The following GALK2 variants were observed in gnomAD, a reference collection of about 807,000 sequenced individuals.
GALK2 encodes N-acetylgalactosamine kinase.
In GALK2, 36 loss-of-function variants were observed where a neutral mutation model predicts 52.4. That is an observed-to-expected ratio of 0.69 (90% CI 0.53 to 0.91). GALK2 has a LOEUF of 0.91. GALK2 is among the 40% of genes least tolerant of loss of function. The probability of loss-of-function intolerance (pLI) is 0.00; values close to 1 mark genes in which losing one functional copy is unlikely to be tolerated. For missense variants in GALK2, 579 were observed against 559.1 expected (o/e 1.04, Z -0.36); for synonymous variants, 176 against 199.1 (o/e 0.88, Z 0.98).
intron 3 of GALK2, among the ~76,000 whole-genome samples, chr15:49,225,717 C>G (rs2090094928): frequency 6.6e-6 from 1 of 152,232 alleles, no homozygotes; most frequent in African/African-American, 2.4e-5. Context: ...TCCTTCCCTG[C>G]TCTAGCACTG....
chr15:49,258,435 G>A (rs2091910384), intron 5 of GALK2, among the ~76,000 whole-genome samples: 1 of 151,988 alleles, frequency 6.6e-6, no homozygotes. Flanking sequence ...AAGGAATGGT[G>A]GATATAAAGA....
intron 8 of GALK2, among the ~76,000 whole-genome samples, chr15:49,294,523 T>C (rs1265491116): frequency 6.6e-6 from 1 of 152,038 alleles, no homozygotes; most frequent in Non-Finnish European, 1.5e-5. Flanking sequence ...AATGAAGAAG[T>C]TGGGTAAGGT....
At chr15:49,226,356 CACAAGGTT>C (rs1315581703) in intron 3 of GALK2, among the ~76,000 whole-genome samples, 26 of 152,318 alleles carry the variant, frequency 1.7e-4, no homozygotes, top group Non-Finnish European at 3.2e-4. Flanking sequence ...AGCAACCCCA[CACAAGGTT>C]CCCAGCTTCT....
At chr15:49,295,687 A>C (rs1395330435) in intron 8 of GALK2, among the ~76,000 whole-genome samples, 1 of 152,202 alleles carries the variant, frequency 6.6e-6, no homozygotes, top group Non-Finnish European at 1.5e-5. Context: ...TGGTTGGACC[A>C]TTCCACTTAC....
downstream of GALK2, chr15:49,335,430 CT>C: frequency 6.2e-7 from 1 of 1,609,906 alleles, no homozygotes; most frequent in Non-Finnish European, 8.5e-7. Flanking sequence ...TCCTAAAATC[CT>C]TTTGGTTCCT....
At chr15:49,279,796 C>T (rs2032428554) in intron 5 of GALK2, among the ~76,000 whole-genome samples, 1 of 152,170 alleles carries the variant, frequency 6.6e-6, no homozygotes, top group Admixed American at 6.5e-5. Context: ...TGTTGTTTCT[C>T]TACATTTTAA....
At chr15:49,332,076 G>A (rs2038873532), downstream of GALK2, among the ~76,000 whole-genome samples, 1 of 135,276 alleles carries the variant, frequency 7.4e-6, no homozygotes, top group Non-Finnish European at 1.5e-5. Flanking sequence ...CCCGCTGCAT[G>A]TGCACACGTG....
intron 3 of GALK2, chr15:49,365,566 G>GC: frequency 1.1e-6 from 1 of 891,952 alleles, no homozygotes; most frequent in South Asian, 1.3e-5. Flanking sequence ...AGGTCCAGCT[G>GC]CAAGTTTAAC....
intron 8 of GALK2, among the ~76,000 whole-genome samples, chr15:49,314,069 C>T (rs1181436289): frequency 2.6e-5 from 4 of 152,204 alleles, no homozygotes; most frequent in Non-Finnish European, 5.9e-5. Context: ...TTTCCCTCAC[C>T]ATTTCCCACC....
intron 5 of GALK2, among the ~76,000 whole-genome samples, chr15:49,275,688 T>C (rs1328351355): frequency 6.6e-6 from 1 of 152,200 alleles, no homozygotes; most frequent in Non-Finnish European, 1.5e-5. Flanking sequence ...CAAAAACAGG[T>C]CACTGTATTA....
chr15:49,214,044 C>T (rs2940747), intron 2 of GALK2, among the ~76,000 whole-genome samples: 41,756 of 151,766 alleles, frequency 0.28, 6,239 homozygotes, highest in East Asian at 0.43. Flanking sequence ...GGCATGAACC[C>T]GGGAGGTGGA....
intron 9 of GALK2, among the ~76,000 whole-genome samples, chr15:49,326,255 A>ATTTTTTTT (rs35381509): frequency 5.0e-5 from 5 of 100,698 alleles, no homozygotes; most frequent in Non-Finnish European, 7.8e-5. Flanking sequence ...TATGACAACC[A>ATTTTTTTT]TTTTTTTTTT....
intron 7 of GALK2, among the ~76,000 whole-genome samples, chr15:49,285,113 G>A (rs997257487): frequency 6.6e-6 from 1 of 151,864 alleles, no homozygotes; most frequent in Non-Finnish European, 1.5e-5. Context: ...TCTCACTTCT[G>A]CGTTCTCCAC....
At chr15:49,289,006 C>G (rs2033664479) in intron 7 of GALK2, among the ~76,000 whole-genome samples, 1 of 152,158 alleles carries the variant, frequency 6.6e-6, no homozygotes, top group Non-Finnish European at 1.5e-5. Flanking sequence ...GGAAGTTTTC[C>G]TTGACTACCT....
intron 1 of GALK2, among the ~76,000 whole-genome samples, chr15:49,191,674 C>G (rs1234454255): frequency 6.6e-6 from 1 of 152,188 alleles, no homozygotes; most frequent in Admixed American, 6.5e-5. Context: ...GAGGTGTCTG[C>G]TGGTTTTTCC....
In GALK2 at chr15:49,252,193, G is replaced by A. The variant is rs548541021; in HGVS notation, c.504+12826G>A. 6.6e-5 allele frequency among the ~76,000 whole-genome samples: 10 copies of A among 152,250 alleles called. No individual in the cohort carries two copies. The South Asian group carries it at 2.1e-3, about 32-fold the overall frequency. On this transcript the variant is annotated intron_variant, in intron 5 of 9. Coordinates refer to ENST00000560031, the MANE Select transcript of GALK2 (RefSeq NM_002044.4). ...AGGCAGGAGGATTGCTTGAACCCGG[G>A]AGGCAGAGGTTGCAGTGAGGCGAGA...
intron 3 of GALK2, among the ~76,000 whole-genome samples, chr15:49,342,568 C>T (rs1338915073): frequency 1.3e-5 from 2 of 152,122 alleles, no homozygotes; most frequent in African/African-American, 4.8e-5. Flanking sequence ...TTGGTGCTAT[C>T]GTGAAGTTGT....
intron 8 of GALK2, among the ~76,000 whole-genome samples, chr15:49,299,984 A>G (rs564846534): frequency 6.6e-6 from 1 of 151,862 alleles, no homozygotes; most frequent in East Asian, 1.9e-4. Flanking sequence ...TGCTGAGTTT[A>G]AGTCCCTAAT....
chr15:49,239,160 C>T lies in GALK2; in HGVS notation c.358-61C>T, dbSNP rs1382729371. ...TTTGTTCTCTGGGGAATGAAAGAAG[C>T]TTTCACTACTCCTTGAATTCAATAC... On this transcript the variant is annotated intron_variant, in intron 4 of 9. Coordinates refer to ENST00000560031, the MANE Select transcript of GALK2 (RefSeq NM_002044.4). The T allele has an allele frequency of 3.4e-6, 5 of 1,460,082 alleles. No homozygotes were observed. The East Asian group carries it at 1.1e-4, about 33-fold the overall frequency. 90.4% of individuals were successfully genotyped at this position (1,460,082 alleles called of 1,614,324 possible).
Sources: allele counts gnomAD v4.1 joint callset (sites outside exome capture counted in the v4.1 genomes callset), GRCh38; gene constraint gnomAD v4.1.1; transcripts MANE v1.5; gene names NCBI Gene and HGNC (gene_info 2026-07-23, HGNC 2026-07-21).